ITGA1: variants seen among roughly 807,000 people sequenced by gnomAD.
ITGA1 encodes the protein integrin subunit alpha 1, also known as integrin alpha-1.
Under a neutral mutation model 145.9 loss-of-function variants are expected in ITGA1, and 85 were observed. The observed-to-expected ratio is 0.58, with a 90% CI of 0.49 to 0.70. ITGA1 has a LOEUF of 0.70. Ranked by LOEUF, ITGA1 falls within the 30% of genes least tolerant of loss-of-function variation. ITGA1 has a pLI of 0.00. For synonymous variants in ITGA1, 520 were observed against 495.3 expected (o/e 1.05, Z -0.66); for missense variants, 1,351 against 1,418.7 (o/e 0.95, Z 0.77).
intron 6 of ITGA1, among the ~76,000 whole-genome samples, chr5:52,867,566 C>T (rs2456222): frequency 0.18 from 26,753 of 151,940 alleles, 2,655 homozygotes; most frequent in East Asian, 0.43. Context: ...ATGTGACTTG[C>T]TCTTCCTTCT....
chr5:52,800,999 T>C (rs1261694382), intron 1 of ITGA1: 2 of 1,614,136 alleles, frequency 1.2e-6, no homozygotes, highest in Non-Finnish European at 1.7e-6. Context: ...TTTGATGTTG[T>C]AAAGTGCATC....
chr5:52,917,616 T>C (rs1350155919), intron 15 of ITGA1, among the ~76,000 whole-genome samples: 1 of 130,504 alleles, frequency 7.7e-6, no homozygotes, highest in African/African-American at 2.6e-5. Context: ...AAAATGTAAA[T>C]ATTGGAAAGC....
At chr5:52,883,455 A>G (rs80054754) in intron 7 of ITGA1, among the ~76,000 whole-genome samples, 2,088 of 152,338 alleles carry the variant, frequency 0.014, 61 homozygotes, top group African/African-American at 0.047. Context: ...TTTTGATTAT[A>G]CATTAAAATT....
chr5:52,941,088 T>C (rs2111902305), intron 26 of ITGA1, among the ~76,000 whole-genome samples: 1 of 152,320 alleles, frequency 6.6e-6, no homozygotes, highest in East Asian at 1.9e-4. Context: ...TCTGCATGTA[T>C]GTTGCTGCAA....
At chr5:52,793,845 A>G (rs1039673342) in intron 1 of ITGA1, among the ~76,000 whole-genome samples, 1 of 152,048 alleles carries the variant, frequency 6.6e-6, no homozygotes, top group Non-Finnish European at 1.5e-5. Flanking sequence ...AAAGGTGACA[A>G]TAAAGTAATC....
chr5:52,803,348 AAT>A (rs1322180980), intron 1 of ITGA1: 1 of 152,194 alleles, frequency 6.6e-6, no homozygotes. Flanking sequence ...ATTACTATCA[AAT>A]ATGTTACTAA....
At chr5:52,877,304 A>T (rs962955350) in intron 6 of ITGA1, among the ~76,000 whole-genome samples, 2 of 152,078 alleles carry the variant, frequency 1.3e-5, no homozygotes, top group African/African-American at 2.4e-5. Context: ...CAGCAAAGAG[A>T]CTGACCATTG....
intron 16 of ITGA1, 65 bp from the exon 17 acceptor site, chr5:52,920,267 T>C: frequency 8.0e-7 from 1 of 1,256,722 alleles, no homozygotes; most frequent in Non-Finnish European, 1.1e-6. Context: ...AATTTAATAA[T>C]CTGTACAATA....
intron 6 of ITGA1, among the ~76,000 whole-genome samples, chr5:52,876,627 A>G (rs972580791): frequency 2.0e-5 from 3 of 152,014 alleles, no homozygotes; most frequent in African/African-American, 7.3e-5. Flanking sequence ...TGTTACAGTC[A>G]TCTAGTAAGA....
chr5:52,883,440 T>C (rs183082229), intron 7 of ITGA1, among the ~76,000 whole-genome samples: 121 of 152,366 alleles, frequency 7.9e-4, no homozygotes, highest in Admixed American at 1.0e-3. Context: ...ACAGAGTTTA[T>C]TGAATTTTGA....
At chr5:52,913,204 C>T (rs562108478) in intron 14 of ITGA1, among the ~76,000 whole-genome samples, 4 of 151,986 alleles carry the variant, frequency 2.6e-5, no homozygotes, top group Admixed American at 6.6e-5. Context: ...TAGTGTGTCC[C>T]GTTCTAAATA....
In ITGA1 at chr5:52,922,882, G is replaced by A; in HGVS notation, c.2398G>A (p.Glu800Lys). The A allele has an allele frequency of 6.5e-7, 1 of 1,550,362 alleles. No homozygotes were observed. Residue 800 changes from glutamate (E) to lysine (K), a missense_variant, in exon 18 of 29, where the codon GAA becomes AAA. Glu to Lys is a moderately conservative substitution (Grantham distance 56). Coordinates refer to ENST00000282588, the MANE Select transcript of ITGA1 (RefSeq NM_181501.2). ...LDDSLPNSVHEYIPFAKDCGN... is the reference protein window; with the variant it reads ...LDDSLPNSVHKYIPFAKDCGN... The stretch of plus-strand genomic sequence containing the variant: ...TGATTCTCTACCAAACTCAGTACAT[G>A]AATATGTAAGTCAGATTTCTTTAAA...
At chr5:52,801,434 A>G in intron 1 of ITGA1, 3 of 1,613,664 alleles carry the variant, frequency 1.9e-6, no homozygotes, top group Non-Finnish European at 2.5e-6. Flanking sequence ...GGACACAAGT[A>G]CTCCCTGAAA....
intron 1 of ITGA1, among the ~76,000 whole-genome samples, chr5:52,799,356 G>A (rs973380844): frequency 6.6e-6 from 1 of 152,112 alleles, no homozygotes; most frequent in African/African-American, 2.4e-5. Flanking sequence ...TTTTAGCTTA[G>A]CTTTGGCAGT....
intron 6 of ITGA1, among the ~76,000 whole-genome samples, chr5:52,868,234 A>G (rs1201136232): frequency 1.3e-5 from 2 of 152,200 alleles, no homozygotes; most frequent in Non-Finnish European, 2.9e-5. Context: ...TCACTTATGT[A>G]TATTACTCTT....
chr5:52,813,406 A>G (rs976099721), intron 1 of ITGA1, among the ~76,000 whole-genome samples: 2 of 152,236 alleles, frequency 1.3e-5, no homozygotes, highest in Admixed American at 1.3e-4. Context: ...TATAAGTCAT[A>G]AACAGACTAC....
intron 1 of ITGA1, among the ~76,000 whole-genome samples, chr5:52,791,860 G>A (rs945270773): frequency 2.0e-5 from 3 of 152,054 alleles, no homozygotes; most frequent in Non-Finnish European, 4.4e-5. Flanking sequence ...AATTTCATTT[G>A]TCCAAAGTTG....
intron 21 of ITGA1, chr5:52,931,290 T>C (rs1211104323): frequency 6.6e-6 from 1 of 152,150 alleles, no homozygotes; most frequent in East Asian, 1.9e-4. Context: ...TATCCCATTT[T>C]ATAGATGAAG....
rs1750713889 is a variant in ITGA1, at chr5:52,920,423, C to T, written c.2247C>T (p.Ile749=). Residue 749 remains isoleucine, a synonymous_variant, in exon 17 of 29, where the codon ATC becomes ATT. Coordinates refer to ENST00000282588, the MANE Select transcript of ITGA1 (RefSeq NM_181501.2). ...GTQERKVQRN[I]TVRKSECTKH... is the part of the protein sequence containing the mutation. ...AAGAGAGAAAGGTTCAAAGGAACAT[C>T]ACAGTTCGAAAATCAGAATGCACTA... 6.2e-7 allele frequency: 1 copy of T among 1,610,382 alleles called. No individual in the cohort carries two copies. Among genetic ancestry groups the T allele is most frequent in the Non-Finnish European group, 8.5e-7 (1 of 1,178,516 alleles).
Sources: gnomAD v4.1 joint callset for allele counts (sites outside exome capture counted in the v4.1 genomes callset) on GRCh38, gnomAD v4.1.1 for gene constraint, MANE v1.5 for transcripts, NCBI Gene and HGNC (gene_info 2026-07-23, HGNC 2026-07-21) for gene names.